CPOX: variants seen among roughly 807,000 people sequenced by gnomAD.
CPOX encodes the protein oxygen-dependent coproporphyrinogen-III oxidase, mitochondrial.
A neutral mutation model predicts 48.9 loss-of-function variants in CPOX; 24 were observed. The ratio of observed to expected loss-of-function variants is 0.49; its 90% confidence interval spans 0.36 to 0.69. The LOEUF (loss-of-function observed/expected upper bound fraction) is 0.69, where lower values mean the gene tolerates loss of function less well. Among genes scored for constraint, CPOX ranks in the 30% least tolerant of loss-of-function variants. The pLI, the probability that CPOX is intolerant of heterozygous loss-of-function variation, is 0.00. For synonymous variants in CPOX, 249 were observed against 234.6 expected (o/e 1.06, Z -0.56); for missense variants, 549 against 597.3 (o/e 0.92, Z 0.84).
chr3:98,578,100 C>T, downstream of CPOX: 1 of 196,282 alleles, frequency 5.1e-6, no homozygotes, highest in Non-Finnish European at 9.2e-6. Context: ...GTTAGGTGTT[C>T]AGGCCATCTG....
downstream of CPOX, among the ~76,000 whole-genome samples, chr3:98,576,331 T>C (rs764234802): frequency 4.6e-5 from 7 of 152,136 alleles, no homozygotes; most frequent in Admixed American, 2.0e-4. Flanking sequence ...AAGAGCACCT[T>C]ATAAAATTAT....
rs765176336 is a variant in CPOX at position 98,591,030 on chromosome 3, C to G, written c.682G>C (p.Val228Leu). ...AAKQMRSRGK[V>L]LKTKDGKLPF... Reference sequence around the variant, plus strand: ...GATTTACCATCTTTAGTCTTCAGAACTTTTCCTCTGCTTCTCATTTGTTTT... The same window carrying G: ...GATTTACCATCTTTAGTCTTCAGAAGTTTTCCTCTGCTTCTCATTTGTTTT... Residue 228 changes from valine to leucine, a missense_variant, in exon 2 of 7, where the codon GTT becomes CTT. By Grantham distance (32) the Val-to-Leu change is conservative. This residue lies in a region of CPOX where 336 missense variants were observed against 318.1 expected (regional missense o/e 1.06). Transcript: ENST00000647941. 26 of 1,614,038 alleles carry G rather than the reference C, an allele frequency of 1.6e-5. No homozygotes were observed. The highest frequency in any genetic ancestry group is 2.0e-5 in the Non-Finnish European group (24 of 1,180,030).
chr3:98,571,310 C>T, the CPOX span, among the ~76,000 whole-genome samples: 2 of 152,074 alleles, frequency 1.3e-5, no homozygotes, highest in Non-Finnish European at 2.9e-5. Flanking sequence ...CTTCAGTTTG[C>T]TTGGTTGTCT....
chr3:98,574,102 T>C, the CPOX span, among the ~76,000 whole-genome samples: 8 of 152,366 alleles, frequency 5.3e-5, no homozygotes, highest in South Asian at 4.1e-4. Flanking sequence ...TGAGCTCTCC[T>C]GAGTTCACAT....
In CPOX at chr3:98,585,431, A is replaced by C; in HGVS notation, c.1172+10T>G. On this transcript the variant is annotated intron_variant, in intron 5 of 6. Transcript: ENST00000647941. Reference sequence around the variant, plus strand: ...TTAGCCATGAAAGAATTCGTTTTCCAGTCACTTACCGTCCTCTTCTGAGCT... The same window carrying C: ...TTAGCCATGAAAGAATTCGTTTTCCCGTCACTTACCGTCCTCTTCTGAGCT... The C allele has an allele frequency of 6.2e-7, 1 of 1,612,236 alleles. No homozygotes were observed. Among genetic ancestry groups the C allele is most frequent in the Non-Finnish European group, 8.5e-7 (1 of 1,178,774 alleles).
At chr3:98,576,589 C>T (rs6778518), downstream of CPOX, among the ~76,000 whole-genome samples, 4,266 of 152,202 alleles carry the variant, frequency 0.028, 102 homozygotes, top group East Asian at 0.1. Context: ...AATGTCTAAG[C>T]GTCACTAACT....
In CPOX at chr3:98,593,605, C is replaced by T. The variant is rs1707537027; in HGVS notation, c.-101G>A. On this transcript the variant is annotated 5_prime_UTR_variant, in exon 1 of 7. Transcript: ENST00000647941. ...GTATTGAGCCGGCGAGCTGCACAGG[C>T]GGAAAGAACCTTTCGAGAAGAGCCG... 4 of 1,259,326 alleles carry T rather than the reference C, an allele frequency of 3.2e-6. No individual in the cohort carries two copies. Among genetic ancestry groups the T allele is most frequent in the Non-Finnish European group, 4.3e-6 (4 of 936,588 alleles). The allele number at this position is 1,259,326 out of a possible 1,614,324, so 78.0% of individuals were successfully genotyped here.
Position 98,593,378 on chromosome 3 carries a change from C to A in CPOX, c.127G>T (p.Ala43Ser). Residue 43 changes from alanine (A) to serine (S), a missense_variant, in exon 1 of 7, where the codon GCA becomes TCA. By Grantham distance (99) the Ala-to-Ser change is moderately conservative. This residue lies in a region of CPOX where 336 missense variants were observed against 318.1 expected (regional missense o/e 1.06). Coordinates refer to ENST00000647941, the MANE Select transcript of CPOX (RefSeq NM_000097.7). ...GGLRAWSQRS[A>S]AGRVCRPPGP... ...GGGGGCCGGCAGACGCGTCCGGCTG[C>A]GCTGCGCTGGGACCAGGCTCGGAGC... is the stretch of plus-strand genomic sequence containing the variant. 1.5e-6 allele frequency: 2 copies of A among 1,354,936 alleles called. No individual in the cohort carries two copies. The highest frequency in any genetic ancestry group is 4.0e-5 in the Admixed American group (1 of 25,116). The allele number at this position is 1,354,936 out of a possible 1,614,324, so 83.9% of individuals were successfully genotyped here.
At chr3:98,576,429 C>T (rs1707163695), downstream of CPOX, among the ~76,000 whole-genome samples, 1 of 152,106 alleles carries the variant, frequency 6.6e-6, no homozygotes, top group Admixed American at 6.5e-5. Context: ...CTGGTCTCTC[C>T]CTTGACACCT....
At chr3:98,577,482 A>T (rs192598629), downstream of CPOX, among the ~76,000 whole-genome samples, 1 of 152,284 alleles carries the variant, frequency 6.6e-6, no homozygotes, top group East Asian at 1.9e-4. Flanking sequence ...GAGCCATTTC[A>T]AAGGGGGACT....
rs1707227667 is a variant in CPOX, at chr3:98,580,217, G to C, written c.*466C>G. The C allele has an allele frequency of 1.0e-6, 1 of 995,632 alleles. No homozygotes were observed. The highest frequency in any genetic ancestry group is 1.2e-6 in the Non-Finnish European group (1 of 835,596). The allele number at this position is 995,632 out of a possible 1,614,324, so 61.7% of individuals were successfully genotyped here. Reference sequence around the variant, plus strand: ...CAGCAGAGACTTCAGTATTGACAAAGTAAAATTTTTACCTTCAAGTTGCAT... The same window carrying C: ...CAGCAGAGACTTCAGTATTGACAAACTAAAATTTTTACCTTCAAGTTGCAT... On this transcript the variant is annotated 3_prime_UTR_variant, in exon 7 of 7. Transcript: ENST00000647941.
the CPOX span, among the ~76,000 whole-genome samples, chr3:98,572,476 G>A: frequency 6.6e-6 from 1 of 152,090 alleles, no homozygotes; most frequent in Non-Finnish European, 1.5e-5. Flanking sequence ...AGTATGTTAT[G>A]AAACTTTTAT....
intron 3 of CPOX, chr3:98,589,851 TCTA>T (rs1254812888): frequency 6.5e-6 from 1 of 152,758 alleles, no homozygotes; most frequent in Admixed American, 6.5e-5. Context: ...TACTCTGACA[TCTA>T]GTATCAGATA....
chr3:98,575,168 G>C (rs1312062876), downstream of CPOX, among the ~76,000 whole-genome samples: 1 of 152,186 alleles, frequency 6.6e-6, no homozygotes, highest in African/African-American at 2.4e-5. Flanking sequence ...AGCCAGTACA[G>C]CTTTGTGAAC....
At chr3:98,581,286 T>C in intron 6 of CPOX, 121 bp downstream of exon 6, 2 of 765,672 alleles carry the variant, frequency 2.6e-6, no homozygotes, top group Non-Finnish European at 4.6e-6. Flanking sequence ...TCTTATAAAA[T>C]CAGCAAAGTC....
chr3:98,585,974 G>A (rs1321754545), intron 4 of CPOX: 5 of 345,756 alleles, frequency 1.4e-5, no homozygotes, highest in African/African-American at 4.3e-5. Context: ...CCGGGTTCAC[G>A]CCATTCTCCT....
chr3:98,574,970 G>A (rs16846266), downstream of CPOX, among the ~76,000 whole-genome samples: 120,720 of 152,160 alleles, frequency 0.79, 48,340 homozygotes, highest in African/African-American at 0.9. Flanking sequence ...AGAAATTGTG[G>A]ATTTGTATAT....
At chr3:98,588,919 G>A (rs1707420706) in intron 3 of CPOX, 65 bp from the exon 4 acceptor site, 1 of 1,560,534 alleles carries the variant, frequency 6.4e-7, no homozygotes, top group African/African-American at 1.4e-5. Context: ...GGCTATATTA[G>A]GACACTTAAT....
Position 98,593,297 on chromosome 3 carries a change from CTCTCGACGTCGA to C in CPOX, c.196_207del (p.Ser66_Arg69del). Reference sequence around the variant, plus strand: ...AGCCCTGTCCCCACCCAGGGGCCGCCTCTCGACGTCGAGCCGTGCCCCAGCCCGCGGCTCTGC... The same window carrying C: ...AGCCCTGTCCCCACCCAGGGGCCGCCGCCGTGCCCCAGCCCGCGGCTCTGC... On this transcript the variant is annotated inframe_deletion, in exon 1 of 7. Coordinates refer to ENST00000647941, the MANE Select transcript of CPOX (RefSeq NM_000097.7). The C allele has an allele frequency of 6.9e-7, 1 of 1,445,194 alleles. No individual in the cohort carries two copies. Among genetic ancestry groups the C allele is most frequent in the Non-Finnish European group, 9.0e-7 (1 of 1,106,910 alleles). 89.5% of individuals were successfully genotyped at this position (1,445,194 alleles called of 1,614,324 possible).
Sources: allele counts gnomAD v4.1 joint callset (sites outside exome capture counted in the v4.1 genomes callset), GRCh38; gene constraint gnomAD v4.1.1; regional missense constraint gnomAD v4.1.1; transcripts MANE v1.5; gene names NCBI Gene and HGNC (gene_info 2026-07-23, HGNC 2026-07-21).